The following TES variants were observed in gnomAD, a reference collection of about 807,000 sequenced individuals.
TES encodes the protein testin LIM domain protein, also known as testin.
TES carries 41 observed loss-of-function variants against 48.2 expected under a neutral mutation model. That is an observed-to-expected ratio of 0.85 (90% CI 0.66 to 1.10). TES has a LOEUF of 1.10. Ranked by LOEUF, TES falls within the 50% of genes least tolerant of loss-of-function variation. The pLI is 0.00. For synonymous variants in TES, 162 were observed against 174.9 expected, an observed-to-expected ratio of 0.93 and a Z score of 0.58; for missense variants, 463 against 515.1, an observed-to-expected ratio of 0.90 and a Z score of 0.98.
In TES at chr7:116,249,156, A is replaced by G; in HGVS notation, c.250A>G (p.Ile84Val). The G allele has an allele frequency of 6.2e-7, 1 of 1,614,128 alleles. No individual in the cohort carries two copies. The highest frequency in any genetic ancestry group is 8.5e-7 in the Non-Finnish European group (1 of 1,179,988). Reference sequence around the variant, plus strand: ...GATTGCAAAACTAAAGTCAGATGGAATTCCCATGTATAAACGCAATGTTAT... The same window carrying G: ...GATTGCAAAACTAAAGTCAGATGGAGTTCCCATGTATAAACGCAATGTTAT... ...TLIAKLKSDG[I>V]PMYKRNVMIL... The change falls in exon 3 of 7, where the codon ATT becomes GTT. Residue 84 changes from isoleucine (I) to valine (V), a missense_variant. Ile to Val is a conservative substitution (Grantham distance 29, BLOSUM62 3). Transcript: ENST00000358204.
At chr7:116,242,647 G>A (rs1020455040) in intron 2 of TES, among the ~76,000 whole-genome samples, 35 of 151,948 alleles carry the variant, frequency 2.3e-4, no homozygotes, top group African/African-American at 8.0e-4. Context: ...AATTAATAAT[G>A]TATTATTTGG....
chr7:116,251,023 A>G (rs1205154002), intron 4 of TES, among the ~76,000 whole-genome samples: 1 of 152,178 alleles, frequency 6.6e-6, no homozygotes, highest in Non-Finnish European at 1.5e-5. Flanking sequence ...GACACAGATG[A>G]ACAGACATAA....
At chr7:116,231,835 A>AC (rs749714428) in intron 1 of TES, among the ~76,000 whole-genome samples, 4 of 151,148 alleles carry the variant, frequency 2.6e-5, no homozygotes, top group Non-Finnish European at 5.9e-5. Flanking sequence ...GCGCCCACCC[A>AC]CCCCCAGCTC....
At chr7:116,216,294 A>G (rs1357879122) in intron 1 of TES, among the ~76,000 whole-genome samples, 1 of 152,154 alleles carries the variant, frequency 6.6e-6, no homozygotes, top group Non-Finnish European at 1.5e-5. Context: ...TCCAGTATAT[A>G]TAAACATCTA....
At chr7:116,248,137 G>T (rs1224533068) in intron 2 of TES, among the ~76,000 whole-genome samples, 4 of 152,116 alleles carry the variant, frequency 2.6e-5, no homozygotes, top group Non-Finnish European at 5.9e-5. Context: ...TTGCTTCAAA[G>T]GACATGATTT....
intron 1 of TES, among the ~76,000 whole-genome samples, chr7:116,231,891 G>T (rs2116592916): frequency 1.3e-5 from 2 of 152,194 alleles, no homozygotes; most frequent in South Asian, 4.2e-4. Context: ...GCTCACTTTG[G>T]AATGACCTTG....
intron 6 of TES, among the ~76,000 whole-genome samples, chr7:116,254,461 C>T (rs1800064246): frequency 6.6e-6 from 1 of 152,094 alleles, no homozygotes; most frequent in Non-Finnish European, 1.5e-5. Flanking sequence ...TTTGGCCAGG[C>T]ATGGTGGCTC....
intron 2 of TES, 98 bp from the exon 3 acceptor site, chr7:116,248,922 T>C: frequency 7.8e-7 from 1 of 1,274,408 alleles, no homozygotes; most frequent in Non-Finnish European, 1.1e-6. Context: ...TACCATGATA[T>C]AGAATAGGCC....
chr7:116,250,530 G>A (rs1384128467), intron 4 of TES, 34 bp downstream of exon 4: 1 of 1,413,512 alleles, frequency 7.1e-7, no homozygotes, highest in East Asian at 2.6e-5. Flanking sequence ...AGCCTGATTT[G>A]TATACTTTAC....
intron 6 of TES, among the ~76,000 whole-genome samples, chr7:116,256,833 A>G (rs1411359554): frequency 6.6e-6 from 1 of 152,212 alleles, no homozygotes; most frequent in South Asian, 2.1e-4. Flanking sequence ...ATTACTTTGA[A>G]CATGATTTTA....
rs1298919780 is a variant in TES at position 116,210,868 on chromosome 7, C to T, written c.27+134C>T. On this transcript the variant is annotated intron_variant, in intron 1 of 6. Coordinates refer to ENST00000358204, the MANE Select transcript of TES (RefSeq NM_015641.4). The stretch of plus-strand genomic sequence containing the variant: ...AGCCCGGCTCTGGGTCTGCGGTGCC[C>T]CGGGCCCAGGGACCTGGCCCCCTGG... 6 of 795,612 alleles carry T rather than the reference C, an allele frequency of 7.5e-6. No individual in the cohort carries two copies. The Admixed American group carries it at 2.8e-4, about 37-fold the overall frequency. 49.3% of individuals were successfully genotyped at this position (795,612 alleles called of 1,614,324 possible).
intron 2 of TES, among the ~76,000 whole-genome samples, chr7:116,240,255 T>C (rs949125839): frequency 1.8e-4 from 27 of 152,200 alleles, no homozygotes; most frequent in Non-Finnish European, 8.8e-5. Context: ...GCTGGCAGCA[T>C]GTCAAAGCAC....
At chr7:116,257,068 A>T (rs751658722) in intron 6 of TES, among the ~76,000 whole-genome samples, 1 of 152,246 alleles carries the variant, frequency 6.6e-6, no homozygotes, top group Non-Finnish European at 1.5e-5. Context: ...TACATGCATC[A>T]AATCACCTGT....
At chr7:116,257,273 T>C (rs371302885) in intron 6 of TES, 21 bp from the exon 7 acceptor site, 3 of 1,576,876 alleles carry the variant, frequency 1.9e-6, no homozygotes. Context: ...CACCCTCTTC[T>C]CTTGTATTAT....
intron 3 of TES, chr7:116,249,794 G>A (rs191657716): frequency 2.3e-5 from 4 of 171,982 alleles, no homozygotes; most frequent in Admixed American, 1.2e-4. Flanking sequence ...TGAATTTTGC[G>A]ATATCATTTT....
At chr7:116,211,495 G>A (rs917725024) in intron 1 of TES, 2 of 152,290 alleles carry the variant, frequency 1.3e-5, no homozygotes, top group Admixed American at 6.5e-5. Context: ...CGGGTTATGC[G>A]GAGCCTGGTG....
intron 2 of TES, among the ~76,000 whole-genome samples, chr7:116,237,589 A>G (rs1023150414): frequency 2.0e-5 from 3 of 152,222 alleles, no homozygotes; most frequent in African/African-American, 7.2e-5. Flanking sequence ...TCCCACCACT[A>G]GGAAACAAAA....
intron 2 of TES, 71 bp downstream of exon 2, chr7:116,234,690 T>G: frequency 1.6e-6 from 2 of 1,227,320 alleles, no homozygotes; most frequent in African/African-American, 3.0e-5. Context: ...ACAGTGGAGA[T>G]ATCTTCGAGT....
chr7:116,217,867 G>A, intron 1 of TES: 1 of 516,360 alleles, frequency 1.9e-6, no homozygotes, highest in South Asian at 1.4e-5. Context: ...TCAGTTCTAA[G>A]TGCCCTGTCT....
Sources: gnomAD v4.1 joint callset for allele counts (sites outside exome capture counted in the v4.1 genomes callset) on GRCh38, gnomAD v4.1.1 for gene constraint, MANE v1.5 for transcripts, NCBI Gene and HGNC (gene_info 2026-07-23, HGNC 2026-07-21) for gene names.